CNTNAP2: variants seen among roughly 807,000 people sequenced by gnomAD.
The protein encoded by CNTNAP2 is contactin associated protein 2.
CNTNAP2 carries 98 observed loss-of-function variants against 155.2 expected under a neutral mutation model. The ratio of observed to expected loss-of-function variants is 0.63; its 90% CI spans 0.54 to 0.75. CNTNAP2 has a LOEUF of 0.75. CNTNAP2 is among the 30% of genes least tolerant of loss of function. The pLI is 0.00. For missense variants in CNTNAP2, 1,727 were observed against 1,688.1 expected, an observed-to-expected ratio of 1.02 and a Z score of -0.40; for synonymous variants, 651 against 631.2, an observed-to-expected ratio of 1.03 and a Z score of -0.47.
At chr7:147,130,133 G>C (rs943300855) in intron 7 of CNTNAP2, among the ~76,000 whole-genome samples, 1 of 152,026 alleles carries the variant, frequency 6.6e-6, no homozygotes, top group Non-Finnish European at 1.5e-5. Flanking sequence ...TAGATGTATA[G>C]CCTGGTATAG....
At chr7:147,730,115 A>T (rs967950936) in intron 13 of CNTNAP2, among the ~76,000 whole-genome samples, 7 of 152,118 alleles carry the variant, frequency 4.6e-5, no homozygotes, top group Admixed American at 1.3e-4. Flanking sequence ...AGCACATCTG[A>T]TCATTTATCT....
intron 13 of CNTNAP2, among the ~76,000 whole-genome samples, chr7:147,856,004 C>G (rs1332768158): frequency 6.6e-6 from 1 of 152,148 alleles, no homozygotes; most frequent in East Asian, 1.9e-4. Flanking sequence ...TCTCCTGACT[C>G]AATAAAGAAT....
intron 13 of CNTNAP2, among the ~76,000 whole-genome samples, chr7:147,754,955 CAGAG>C (rs1797193964): frequency 6.6e-6 from 1 of 152,144 alleles, no homozygotes; most frequent in African/African-American, 2.4e-5. Flanking sequence ...GGCATAAACA[CAGAG>C]AGACAGACAA....
chr7:147,715,493 T>C (rs1225146073), intron 13 of CNTNAP2, among the ~76,000 whole-genome samples: 1 of 152,110 alleles, frequency 6.6e-6, no homozygotes, highest in African/African-American at 2.4e-5. Flanking sequence ...TGTATACACG[T>C]CTTTTGTCCA....
chr7:146,801,530 A>G (rs1397727180), intron 2 of CNTNAP2, among the ~76,000 whole-genome samples: 1 of 152,234 alleles, frequency 6.6e-6, no homozygotes, highest in Admixed American at 6.5e-5. Context: ...TCTATTTCCA[A>G]GAAAGGTACG....
At chr7:146,470,319 T>C (rs1217417534) in intron 1 of CNTNAP2, among the ~76,000 whole-genome samples, 2 of 152,146 alleles carry the variant, frequency 1.3e-5, no homozygotes, top group East Asian at 3.9e-4. Flanking sequence ...TGCAAGGGAA[T>C]AGAAGATGAG....
At chr7:147,284,507 A>G (rs1263187003) in intron 8 of CNTNAP2, among the ~76,000 whole-genome samples, 1 of 151,934 alleles carries the variant, frequency 6.6e-6, no homozygotes, top group African/African-American at 2.4e-5. Context: ...CCAACCCATG[A>G]AACCATATTA....
At chr7:146,661,285 T>G (rs1321172539) in intron 1 of CNTNAP2, among the ~76,000 whole-genome samples, 2 of 148,088 alleles carry the variant, frequency 1.4e-5, no homozygotes, top group Non-Finnish European at 3.0e-5. Flanking sequence ...GGCTTTTAGG[T>G]TTTTTTTTTA....
intron 1 of CNTNAP2, among the ~76,000 whole-genome samples, chr7:146,631,060 C>T (rs1469177911): frequency 6.6e-6 from 1 of 152,034 alleles, no homozygotes; most frequent in Non-Finnish European, 1.5e-5. Flanking sequence ...AAAAAAACTA[C>T]TTTAAATTTC....
At chr7:147,594,258 T>C (rs776494720) in intron 12 of CNTNAP2, among the ~76,000 whole-genome samples, 9 of 151,530 alleles carry the variant, frequency 5.9e-5, no homozygotes, top group Non-Finnish European at 8.8e-5. Flanking sequence ...CCCCAGTAGC[T>C]GGGACCACAG....
At chr7:147,559,056 T>C (rs1249074469) in intron 11 of CNTNAP2, among the ~76,000 whole-genome samples, 5 of 152,056 alleles carry the variant, frequency 3.3e-5, no homozygotes, top group Non-Finnish European at 7.4e-5. Flanking sequence ...TAAAAATGTC[T>C]GTAGAGATGG....
At chr7:146,854,237 G>A (rs1220706800) in intron 3 of CNTNAP2, among the ~76,000 whole-genome samples, 1 of 152,186 alleles carries the variant, frequency 6.6e-6, no homozygotes, top group Non-Finnish European at 1.5e-5. Flanking sequence ...TCTAGATGGT[G>A]GTTTCCTCTG....
intron 11 of CNTNAP2, among the ~76,000 whole-genome samples, chr7:147,494,891 G>A (rs894828331): frequency 6.6e-6 from 1 of 152,048 alleles, no homozygotes; most frequent in Non-Finnish European, 1.5e-5. Context: ...TTTCCATTTT[G>A]ACATTAGTTA....
chr7:147,356,911 A>C (rs959504892), intron 9 of CNTNAP2, among the ~76,000 whole-genome samples: 1 of 152,126 alleles, frequency 6.6e-6, no homozygotes, highest in Non-Finnish European at 1.5e-5. Context: ...TTGGAACCAA[A>C]CTGAGATCAA....
In CNTNAP2 at chr7:146,280,506, T is replaced by G. The variant is rs572574372; in HGVS notation, c.97+163533T>G. Among the ~76,000 whole-genome samples the G allele has an allele frequency of 2.0e-3, 309 of 152,274 alleles. 3 individuals are homozygous for G. Among genetic ancestry groups the G allele is most frequent in the African/African-American group, 7.0e-3 (290 of 41,560 alleles). On this transcript the variant is annotated intron_variant, in intron 1 of 23. Transcript: ENST00000361727. ...TGAATTGCTGATCACTCCCTGCACT[T>G]GGCCGCTCCTATCTTGTCTTGCAGC...
At chr7:147,029,448 A>G (rs1798985606) in intron 3 of CNTNAP2, among the ~76,000 whole-genome samples, 1 of 152,232 alleles carries the variant, frequency 6.6e-6, no homozygotes, top group African/African-American at 2.4e-5. Context: ...AGCATGGAAG[A>G]GGAGGGAAAA....
intron 13 of CNTNAP2, among the ~76,000 whole-genome samples, chr7:147,733,032 GTT>G (rs548309586): frequency 7.2e-5 from 11 of 152,178 alleles, no homozygotes; most frequent in Admixed American, 7.2e-4. Flanking sequence ...AAGCTCTTTA[GTT>G]TAATTAGATC....
At chr7:146,519,802 A>C (rs1400820329) in intron 1 of CNTNAP2, among the ~76,000 whole-genome samples, 1 of 151,880 alleles carries the variant, frequency 6.6e-6, no homozygotes, top group Admixed American at 6.6e-5. Context: ...ATATATAATC[A>C]GTTCTTTGGT....
At chr7:147,261,625 T>G (rs539405711) in intron 8 of CNTNAP2, among the ~76,000 whole-genome samples, 19 of 151,746 alleles carry the variant, frequency 1.3e-4, no homozygotes, top group African/African-American at 4.1e-4. Context: ...GTCAGAGAAG[T>G]GACCTTTTAA....
Sources: allele counts gnomAD v4.1 joint callset (sites outside exome capture counted in the v4.1 genomes callset), GRCh38; gene constraint gnomAD v4.1.1; transcripts MANE v1.5; gene names NCBI Gene and HGNC (gene_info 2026-07-23, HGNC 2026-07-21).